Variants in JARID2 observed in about 807,000 individuals in gnomAD.
The protein encoded by JARID2 is jumonji and AT-rich interaction domain containing 2.
JARID2 carries 21 observed loss-of-function variants against 125.6 expected under a neutral mutation model. The ratio of observed to expected loss-of-function variants is 0.17; its 90% CI spans 0.12 to 0.24. The LOEUF (loss-of-function observed/expected upper bound fraction) is 0.24. Among genes scored for constraint, JARID2 ranks in the 10% least tolerant of loss-of-function variants. The probability of loss-of-function intolerance (pLI) is 1.00; values close to 1 mark genes in which losing one functional copy is unlikely to be tolerated. For missense variants in JARID2, 1,303 were observed against 1,639.6 expected (o/e 0.79, Z 3.55); for synonymous variants, 736 against 661.6 (o/e 1.11, Z -1.73).
At chr6:15,509,057 C>A in intron 12 of JARID2, 1 of 1,289,284 alleles carries the variant, frequency 7.8e-7, no homozygotes, top group Non-Finnish European at 1.0e-6. Flanking sequence ...GAGACACGCG[C>A]GTTATGTACC....
intron 1 of JARID2, among the ~76,000 whole-genome samples, chr6:15,328,314 A>G (rs2127451686): frequency 6.6e-6 from 1 of 152,250 alleles, no homozygotes; most frequent in African/African-American, 2.4e-5. Flanking sequence ...TTTACTGGGC[A>G]CCCGCTGTGT....
At chr6:15,344,231 C>G (rs946375312) in intron 1 of JARID2, among the ~76,000 whole-genome samples, 13 of 142,644 alleles carry the variant, frequency 9.1e-5, no homozygotes, top group African/African-American at 3.4e-4. Context: ...TTTACTAATT[C>G]TGTTATTTTT....
chr6:15,458,087 C>T (rs149791993), intron 4 of JARID2, among the ~76,000 whole-genome samples: 3 of 152,140 alleles, frequency 2.0e-5, no homozygotes, highest in Admixed American at 6.5e-5. Flanking sequence ...CTGGCACACG[C>T]GGGGAAGAGG....
chr6:15,368,103 A>G (rs1015950947), intron 1 of JARID2, among the ~76,000 whole-genome samples: 21 of 152,066 alleles, frequency 1.4e-4, no homozygotes, highest in African/African-American at 3.9e-4. Context: ...TATCAAAACA[A>G]TCTGGTTTTT....
chr6:15,301,865 G>T (rs1490133272), intron 1 of JARID2, among the ~76,000 whole-genome samples: 9 of 152,204 alleles, frequency 5.9e-5, no homozygotes, highest in Non-Finnish European at 7.3e-5. Flanking sequence ...TAGGGAAAGA[G>T]AACTACTTTT....
At chr6:15,251,443 C>T (rs2127294682) in intron 1 of JARID2, among the ~76,000 whole-genome samples, 1 of 152,342 alleles carries the variant, frequency 6.6e-6, no homozygotes, top group East Asian at 1.9e-4. Context: ...ACGTCTCCCC[C>T]AGGATTACAG....
intron 1 of JARID2, among the ~76,000 whole-genome samples, chr6:15,311,979 C>A (rs929250620): frequency 1.3e-5 from 2 of 152,086 alleles, no homozygotes. Flanking sequence ...ATCAATTTAA[C>A]CTAAAAAATT....
chr6:15,302,591 C>T (rs983137173), intron 1 of JARID2, among the ~76,000 whole-genome samples: 11 of 152,210 alleles, frequency 7.2e-5, no homozygotes, highest in South Asian at 4.1e-4. Flanking sequence ...TTAATTTTTA[C>T]GGTGACCCAC....
At chr6:15,311,601 G>T (rs1762015887) in intron 1 of JARID2, among the ~76,000 whole-genome samples, 1 of 152,090 alleles carries the variant, frequency 6.6e-6, no homozygotes, top group Non-Finnish European at 1.5e-5. Context: ...AAAAGAAAAA[G>T]TCTGAAGACT....
intron 1 of JARID2, among the ~76,000 whole-genome samples, chr6:15,289,017 C>T (rs918922281): frequency 3.9e-5 from 6 of 152,108 alleles, no homozygotes; most frequent in African/African-American, 9.7e-5. Flanking sequence ...GTCCAAGCCA[C>T]GGAGGGAGGA....
chr6:15,361,365 G>A (rs1377913433), intron 1 of JARID2, among the ~76,000 whole-genome samples: 1 of 152,068 alleles, frequency 6.6e-6, no homozygotes, highest in Non-Finnish European at 1.5e-5. Context: ...TCTTTGCTCC[G>A]AAGTCTCCAG....
At chr6:15,255,398 T>C (rs1759626395) in intron 1 of JARID2, among the ~76,000 whole-genome samples, 1 of 152,118 alleles carries the variant, frequency 6.6e-6, no homozygotes, top group East Asian at 1.9e-4. Context: ...CCACTGCGCC[T>C]GGCCCAATTA....
At chr6:15,388,721 A>C (rs1354092053) in intron 2 of JARID2, among the ~76,000 whole-genome samples, 1 of 152,122 alleles carries the variant, frequency 6.6e-6, no homozygotes, top group East Asian at 1.9e-4. Context: ...CCTGCCATTG[A>C]CATCCAAGGA....
intron 1 of JARID2, among the ~76,000 whole-genome samples, chr6:15,368,985 A>AG (rs1482922348): frequency 4.0e-5 from 6 of 151,690 alleles, no homozygotes; most frequent in Admixed American, 6.6e-5. Context: ...CGAGTGGTTA[A>AG]GGTACAGGTG....
chr6:15,302,796 G>A (rs1761679634), intron 1 of JARID2, among the ~76,000 whole-genome samples: 3 of 152,060 alleles, frequency 2.0e-5, no homozygotes, highest in Non-Finnish European at 2.9e-5. Context: ...GTGCAATGGC[G>A]TGATCTTGGC....
chr6:15,477,094 G>C (rs543964567), intron 5 of JARID2, among the ~76,000 whole-genome samples: 39 of 152,104 alleles, frequency 2.6e-4, no homozygotes, highest in Non-Finnish European at 5.4e-4. Flanking sequence ...TTTCTGAAGA[G>C]GGATGTTTCT....
intron 9 of JARID2, among the ~76,000 whole-genome samples, chr6:15,506,439 G>A (rs1269378782): frequency 1.3e-5 from 2 of 152,220 alleles, no homozygotes; most frequent in African/African-American, 2.4e-5. Context: ...TGCTAGTAGC[G>A]CTTTGTGGAG....
Position 15,252,308 on chromosome 6 carries a change from C to CT in JARID2, c.45+5734dup, listed in dbSNP as rs555990663. 8.1e-3 allele frequency among the ~76,000 whole-genome samples: 1,209 copies of CT among 150,090 alleles called. 10 individuals are homozygous for CT. Among genetic ancestry groups the CT allele is most frequent in the African/African-American group, 0.019 (797 of 40,876 alleles). ...GTTAATACAAAATGTTAGGGAATACCTTTTTTTTTTAAAAATTGTTTGTTA... is the reference window on the plus strand; with the variant it reads ...GTTAATACAAAATGTTAGGGAATACCTTTTTTTTTTTAAAAATTGTTTGTTA... On this transcript the variant is annotated intron_variant, in intron 1 of 17. Transcript: ENST00000341776.
At chr6:15,425,719 T>A (rs1766695943) in intron 3 of JARID2, among the ~76,000 whole-genome samples, 1 of 152,268 alleles carries the variant, frequency 6.6e-6, no homozygotes, top group East Asian at 1.9e-4. Context: ...AATAAATTTC[T>A]GTTCTTTATA....
Sources: gnomAD v4.1 joint callset for allele counts (sites outside exome capture counted in the v4.1 genomes callset) on GRCh38, gnomAD v4.1.1 for gene constraint, MANE v1.5 for transcripts, NCBI Gene and HGNC (gene_info 2026-07-23, HGNC 2026-07-21) for gene names.